The following SLIT3 variants were observed in gnomAD, a reference collection of about 807,000 sequenced individuals.
SLIT3 encodes slit homolog 3 protein.
Under a neutral mutation model 184.0 loss-of-function variants are expected in SLIT3, and 68 were observed. That is an observed-to-expected ratio of 0.37 (90% CI 0.30 to 0.45). The LOEUF is 0.45. SLIT3 is among the 20% of genes least tolerant of loss of function. The pLI, the probability that SLIT3 is intolerant of heterozygous loss-of-function variation, is 1.00. For synonymous variants in SLIT3, 831 were observed against 828.6 expected, an observed-to-expected ratio of 1.00 and a Z score of -0.05; for missense variants, 1,707 against 2,026.0, an observed-to-expected ratio of 0.84 and a Z score of 3.02.
intron 3 of SLIT3, among the ~76,000 whole-genome samples, chr5:169,204,355 AGAGT>A (rs1343147642): frequency 3.9e-5 from 6 of 152,204 alleles, no homozygotes; most frequent in African/African-American, 1.2e-4. Flanking sequence ...GGTTCAAAAA[AGAGT>A]GGGGGAAAAT....
chr5:168,827,069 C>G (rs796143789), intron 6 of SLIT3, among the ~76,000 whole-genome samples: 8 of 152,242 alleles, frequency 5.3e-5, no homozygotes, highest in African/African-American at 1.9e-4. Context: ...CAGCCTGTAT[C>G]GTTTCATTTA....
At chr5:169,073,505 C>G (rs1758626479) in intron 4 of SLIT3, among the ~76,000 whole-genome samples, 1 of 152,046 alleles carries the variant, frequency 6.6e-6, no homozygotes, top group Admixed American at 6.6e-5. Context: ...ACAGTAGAAT[C>G]AGACAATGTC....
intron 4 of SLIT3, among the ~76,000 whole-genome samples, chr5:169,190,727 T>C (rs774188843): frequency 6.6e-6 from 1 of 152,202 alleles, no homozygotes; most frequent in Non-Finnish European, 1.5e-5. Context: ...AGAATCCACA[T>C]TTAGCATGAA....
intron 16 of SLIT3, among the ~76,000 whole-genome samples, chr5:168,757,714 C>T (rs1446589158): frequency 1.3e-5 from 2 of 152,176 alleles, no homozygotes; most frequent in Non-Finnish European, 2.9e-5. Context: ...GGATTACAGG[C>T]GTGAGCCACC....
At chr5:168,752,178 C>T (rs1193344320) in intron 18 of SLIT3, among the ~76,000 whole-genome samples, 4 of 152,186 alleles carry the variant, frequency 2.6e-5, no homozygotes, top group Non-Finnish European at 4.4e-5. Flanking sequence ...GCTTCCTCTT[C>T]AGCCTTGCCT....
chr5:168,770,748 C>T (rs1460817800), intron 14 of SLIT3, among the ~76,000 whole-genome samples: 1 of 152,106 alleles, frequency 6.6e-6, no homozygotes, highest in Non-Finnish European at 1.5e-5. Flanking sequence ...TTCCCCTCCC[C>T]CACATAGGAA....
intron 6 of SLIT3, 82 bp from the exon 7 acceptor site, chr5:168,823,413 A>T: frequency 9.9e-7 from 1 of 1,007,264 alleles, no homozygotes. Flanking sequence ...CGGGGGAGGG[A>T]TGGTTGTGAC....
intron 1 of SLIT3, among the ~76,000 whole-genome samples, chr5:169,265,027 C>G (rs895008130): frequency 6.6e-6 from 1 of 152,136 alleles, no homozygotes; most frequent in African/African-American, 2.4e-5. Context: ...GAGGGGCAAC[C>G]CGGGTGGTTG....
chr5:168,749,704 A>G, intron 18 of SLIT3, 69 bp from the exon 19 acceptor site: 2 of 1,542,146 alleles, frequency 1.3e-6, no homozygotes, highest in Non-Finnish European at 1.8e-6. Context: ...TCTGCTGCCC[A>G]GAGCCCAGCT....
At position 168,897,409 on chromosome 5, in the gene SLIT3, A is replaced by T. The variant is rs1760704110; in HGVS notation, c.414-14073T>A. Among the ~76,000 whole-genome samples, 8 of 152,204 alleles carry T rather than the reference A, an allele frequency of 5.3e-5. No homozygotes were observed. In the South Asian group the frequency reaches 1.7e-3, roughly 32 times the overall value. On this transcript the variant is annotated intron_variant, in intron 4 of 35. Coordinates refer to ENST00000519560, the MANE Select transcript of SLIT3 (RefSeq NM_003062.4). ...GTGATCCCTTTAAAGATAGACAGAT[A>T]TAAAGATGAGAGAGAGAGAGAGACA...
rs576051408 is a variant in SLIT3 at position 168,896,059 on chromosome 5, T to C, written c.414-12723A>G. On this transcript the variant is annotated intron_variant, in intron 4 of 35. Coordinates refer to ENST00000519560, the MANE Select transcript of SLIT3 (RefSeq NM_003062.4). Reference sequence around the variant, plus strand: ...GGAGGCAGGGGGGAAACTTCTAAAATGCTTCCTTTGTGTTTCTGAGACTGT... The same window carrying C: ...GGAGGCAGGGGGGAAACTTCTAAAACGCTTCCTTTGTGTTTCTGAGACTGT... 1.3e-3 allele frequency among the ~76,000 whole-genome samples: 191 copies of C among 152,308 alleles called. 5 individuals carry two copies. Among genetic ancestry groups the C allele is most frequent in the Admixed American group, 2.2e-3 (34 of 15,300 alleles).
At position 169,035,647 on chromosome 5, in the gene SLIT3, G is replaced by GAA. The variant is rs201819555; in HGVS notation, c.414-152313_414-152312dup. Among the ~76,000 whole-genome samples, 943 of 103,514 alleles carry GAA rather than the reference G, an allele frequency of 9.1e-3. 13 individuals are homozygous for GAA. The highest frequency in any genetic ancestry group is 0.031 in the African/African-American group (857 of 27,366). The allele number at this position is 103,514 out of a possible 152,430, so 67.9% of individuals were successfully genotyped here. A position where few individuals can be genotyped will look rare whatever the true frequency, so the allele number is the denominator to read the frequency against. Reference sequence around the variant, plus strand: ...CTGGGTGACAGTGAGACTGCATCTGGAAAAAAAAAAAAAAAAAAAAGAATT... The same window carrying GAA: ...CTGGGTGACAGTGAGACTGCATCTGGAAAAAAAAAAAAAAAAAAAAAAGAATT... On this transcript the variant is annotated intron_variant, in intron 4 of 35. Transcript: ENST00000519560.
intron 15 of SLIT3, among the ~76,000 whole-genome samples, 199 bp from the exon 16 acceptor site, chr5:168,761,135 C>G (rs966872727): frequency 6.6e-6 from 1 of 152,164 alleles, no homozygotes; most frequent in Non-Finnish European, 1.5e-5. Flanking sequence ...TCCTCCTTCT[C>G]CTGGAGGAAG....
intron 4 of SLIT3, among the ~76,000 whole-genome samples, chr5:169,031,964 G>A (rs1432899): frequency 0.3 from 45,490 of 152,002 alleles, 7,872 homozygotes; most frequent in East Asian, 0.53. Flanking sequence ...ACTTAGAAGA[G>A]TAAGCATGGT....
chr5:169,285,294 T>C (rs967164299), intron 1 of SLIT3, among the ~76,000 whole-genome samples: 1 of 152,218 alleles, frequency 6.6e-6, no homozygotes, highest in Non-Finnish European at 1.5e-5. Context: ...GCCTATCCAA[T>C]TCAATTTGAT....
intron 4 of SLIT3, among the ~76,000 whole-genome samples, chr5:169,169,387 T>C (rs1762748435): frequency 6.6e-6 from 1 of 152,244 alleles, no homozygotes; most frequent in Non-Finnish European, 1.5e-5. Context: ...AATATATCAT[T>C]ACATGGCTTG....
At chr5:168,771,168 G>A (rs1338079756) in intron 14 of SLIT3, among the ~76,000 whole-genome samples, 1 of 152,190 alleles carries the variant, frequency 6.6e-6, no homozygotes. Context: ...GACAGGGGTA[G>A]GAATAGAGGC....
At chr5:169,133,104 T>C (rs1761364958) in intron 4 of SLIT3, among the ~76,000 whole-genome samples, 1 of 152,210 alleles carries the variant, frequency 6.6e-6, no homozygotes, top group African/African-American at 2.4e-5. Context: ...GAGGTGCCTG[T>C]AGTTTATGAT....
chr5:168,691,974 A>G (rs961552454), intron 29 of SLIT3, among the ~76,000 whole-genome samples: 4 of 152,174 alleles, frequency 2.6e-5, no homozygotes, highest in African/African-American at 9.6e-5. Context: ...CCTCAGCCTC[A>G]AGAGCTGCAT....
Sources: allele counts gnomAD v4.1 joint callset (sites outside exome capture counted in the v4.1 genomes callset), GRCh38; gene constraint gnomAD v4.1.1; transcripts MANE v1.5; gene names NCBI Gene and HGNC (gene_info 2026-07-23, HGNC 2026-07-21).